The following AZIN2 variants were observed in gnomAD, a reference collection of about 807,000 sequenced individuals.
AZIN2 encodes antizyme inhibitor 2.
Under a neutral mutation model 47.8 loss-of-function variants are expected in AZIN2, and 28 were observed. That is an observed-to-expected ratio of 0.59 (90% CI 0.43 to 0.80). The LOEUF (loss-of-function observed/expected upper bound fraction) is 0.80, where lower values mean the gene tolerates loss of function less well. Ranked by LOEUF, AZIN2 falls within the 30% of genes least tolerant of loss-of-function variation. The pLI is 0.00. For missense variants in AZIN2, 535 were observed against 582.5 expected (o/e 0.92, Z 0.84); for synonymous variants, 221 against 239.4 (o/e 0.92, Z 0.71).
the AZIN2 span, among the ~76,000 whole-genome samples, chr1:33,160,929 C>T: frequency 6.6e-6 from 1 of 152,330 alleles, no homozygotes; most frequent in African/African-American, 2.4e-5. Flanking sequence ...ATGGTTTTCT[C>T]TGCCCCCAAG....
chr1:33,091,148 A>G (rs1642504140), intron 5 of AZIN2, among the ~76,000 whole-genome samples: 2 of 152,200 alleles, frequency 1.3e-5, no homozygotes, highest in Non-Finnish European at 2.9e-5. Context: ...ATAATGCTGC[A>G]CTGAACATGG....
rs780082880 is a variant in AZIN2, at chr1:33,120,287, C to A, written c.*105C>A. The A allele has an allele frequency of 4.5e-5, 66 of 1,471,568 alleles. No individual in the cohort carries two copies. The highest frequency in any genetic ancestry group is 5.1e-5 in the Non-Finnish European group (56 of 1,096,768). 91.2% of individuals were successfully genotyped at this position (1,471,568 alleles called of 1,614,324 possible). The stretch of plus-strand genomic sequence containing the variant: ...GGTACCCTTGGCCAGGACTCTGGTG[C>A]CCACCCTGCCACCCCCGCGCTCCAC... On this transcript the variant is annotated 3_prime_UTR_variant, in exon 12 of 12. Coordinates refer to ENST00000294517, the MANE Select transcript of AZIN2 (RefSeq NM_052998.4).
intron 9 of AZIN2, among the ~76,000 whole-genome samples, chr1:33,097,610 T>C (rs545961528): frequency 1.3e-5 from 2 of 152,310 alleles, no homozygotes; most frequent in South Asian, 4.1e-4. Flanking sequence ...GGTGGTGGGC[T>C]CCAGGTAGAA....
chr1:33,147,104 G>T, the AZIN2 span: 20 of 1,536,860 alleles, frequency 1.3e-5, no homozygotes, highest in Admixed American at 3.7e-5. This position sits in a 1 kb window ranked among gnomAD's most constrained non-coding sequence, Gnocchi z 8.1. Context: ...TGGAGTCCAG[G>T]TCTTCTATCT....
chr1:33,152,631 T>C, the AZIN2 span, among the ~76,000 whole-genome samples: 1 of 146,416 alleles, frequency 6.8e-6, no homozygotes, highest in African/African-American at 2.5e-5. Context: ...ATAATAACAA[T>C]AAACAGACAG....
the AZIN2 span, chr1:33,146,211 A>T: frequency 2.1e-5 from 5 of 242,992 alleles, no homozygotes; most frequent in Middle Eastern, 1.6e-3. Context: ...TCCTTGTCTA[A>T]TTAAACCAGC....
chr1:33,093,731 CTTTTTTTT>C (rs776963959), intron 7 of AZIN2, among the ~76,000 whole-genome samples: 2 of 134,676 alleles, frequency 1.5e-5, no homozygotes, highest in Non-Finnish European at 1.6e-5. Context: ...TTCTTTCTTT[CTTTTTTTT>C]TTTTTTTTTG....
At chr1:33,160,017 C>T in the AZIN2 span, 12 of 1,556,556 alleles carry the variant, frequency 7.7e-6, no homozygotes, top group Middle Eastern at 1.7e-4. Context: ...AGGAGGAAAT[C>T]GAGAGCCTTG....
chr1:33,086,016 T>G (rs1006147886), intron 5 of AZIN2, among the ~76,000 whole-genome samples: 117 of 152,158 alleles, frequency 7.7e-4, no homozygotes, highest in African/African-American at 2.6e-3. Flanking sequence ...AGTTTTCTGC[T>G]TCAGGAACCC....
At chr1:33,160,733 T>TGGGGCTCATTCAG in the AZIN2 span, among the ~76,000 whole-genome samples, 1 of 152,122 alleles carries the variant, frequency 6.6e-6, no homozygotes, top group South Asian at 2.1e-4. Flanking sequence ...AAATCATTCA[T>TGGGGCTCATTCAG]GGGGCTCATT....
the AZIN2 span, among the ~76,000 whole-genome samples, chr1:33,155,084 CTCCAT>C: frequency 1.4e-5 from 2 of 141,982 alleles, no homozygotes; most frequent in African/African-American, 5.1e-5. Context: ...CAGAGCGAGA[CTCCAT>C]CTCAAAAGGT....
rs1420094606 is a variant in AZIN2 at position 33,120,403 on chromosome 1, T to G, written c.*221T>G. On this transcript the variant is annotated 3_prime_UTR_variant, in exon 12 of 12. Coordinates refer to ENST00000294517, the MANE Select transcript of AZIN2 (RefSeq NM_052998.4). ...AAATCCTGTTCCTTCCAGCTGTGTC[T>G]GCCTCCTCTGCAGTGCAAGGGGCCT... 1.6e-6 allele frequency: 1 copy of G among 644,214 alleles called. No homozygotes were observed. Among genetic ancestry groups the G allele is most frequent in the Admixed American group, 3.4e-5 (1 of 29,450 alleles). 39.9% of individuals were successfully genotyped at this position (644,214 alleles called of 1,614,324 possible). A position where few individuals can be genotyped will look rare whatever the true frequency, so the allele number is the denominator to read the frequency against.
intron 5 of AZIN2, among the ~76,000 whole-genome samples, chr1:33,089,586 A>G (rs910387679): frequency 6.6e-6 from 1 of 152,216 alleles, no homozygotes; most frequent in African/African-American, 2.4e-5. Context: ...GATTCGGGGT[A>G]GGCCACATCT....
chr1:33,121,908 A>G lies in AZIN2; in HGVS notation c.*1726A>G, dbSNP rs1034407494. Among the ~76,000 whole-genome samples the G allele has an allele frequency of 1.3e-5, 2 of 152,286 alleles. No individual in the cohort carries two copies. The highest frequency in any genetic ancestry group is 4.8e-5 in the African/African-American group (2 of 41,560). ...GGCAATGTGGCATGGGTTTGGAGTG[A>G]ACGAGGTGCTTTCTCAAAGCCAGGG... is the stretch of plus-strand genomic sequence containing the variant. On this transcript the variant is annotated 3_prime_UTR_variant, in exon 12 of 12. Coordinates refer to ENST00000294517, the MANE Select transcript of AZIN2 (RefSeq NM_052998.4).
At chr1:33,138,626 C>CAAAAAAAAAAAAAAAAAAAAA in the AZIN2 span, among the ~76,000 whole-genome samples, 1 of 66,096 alleles carries the variant, frequency 1.5e-5, no homozygotes, top group Non-Finnish European at 3.5e-5. Context: ...ACAACAACAA[C>CAAAAAAAAAAAAAAAAAAAAA]AAAAAAAAAA....
chr1:33,158,401 G>A, the AZIN2 span: 6 of 1,593,818 alleles, frequency 3.8e-6, no homozygotes, highest in Non-Finnish European at 4.3e-6. Context: ...GGCTGCACCA[G>A]GGACTGGATT....
chr1:33,148,994 C>T, the AZIN2 span, among the ~76,000 whole-genome samples: 1 of 152,188 alleles, frequency 6.6e-6, no homozygotes. Context: ...CCACTTAGGT[C>T]CAAAGCCTCT....
intron 4 of AZIN2, 160 bp downstream of exon 4, chr1:33,082,514 C>T (rs1641396767): frequency 1.7e-6 from 1 of 576,328 alleles, no homozygotes; most frequent in African/African-American, 1.9e-5. Context: ...AATTCTTTGT[C>T]CTTGCCCCCA....
chr1:33,135,660 C>T, the AZIN2 span, among the ~76,000 whole-genome samples: 1 of 152,184 alleles, frequency 6.6e-6, no homozygotes, highest in East Asian at 1.9e-4. Context: ...GACAACTTTG[C>T]CCAGCACTTA....
Sources: allele counts gnomAD v4.1 joint callset (sites outside exome capture counted in the v4.1 genomes callset), GRCh38; gene constraint gnomAD v4.1.1; non-coding constraint Gnocchi (gnomAD v3.1); transcripts MANE v1.5; gene names NCBI Gene and HGNC (gene_info 2026-07-23, HGNC 2026-07-21).